PARG: variants seen among roughly 807,000 people sequenced by gnomAD.
PARG encodes the protein poly(ADP-ribose) glycohydrolase.
A neutral mutation model predicts 113.0 loss-of-function variants in PARG; 35 were observed. That is an observed-to-expected ratio of 0.31 (90% confidence interval 0.24 to 0.41). The LOEUF is 0.41. PARG is among the 10% of genes least tolerant of loss of function. The probability of loss-of-function intolerance (pLI) is 1.00; values close to 1 mark genes in which losing one functional copy is unlikely to be tolerated. For synonymous variants in PARG, 330 were observed against 409.9 expected (o/e 0.81, Z 2.36); for missense variants, 797 against 1,169.4 (o/e 0.68, Z 4.64).
intron 7 of PARG, among the ~76,000 whole-genome samples, chr10:49,887,227 G>C (rs1847539002): frequency 6.6e-6 from 1 of 151,914 alleles, no homozygotes; most frequent in Non-Finnish European, 1.5e-5. Flanking sequence ...TATGTATTCT[G>C]AAATAATTAT....
chr10:49,819,161 AGG>A lies in PARG; in HGVS notation c.*177_*178del. On this transcript the variant is annotated 3_prime_UTR_variant, in exon 18 of 18. Transcript: ENST00000616448. The stretch of plus-strand genomic sequence containing the variant: ...TCTAAGTCCACGTGAGTCAGGATGG[AGG>A]GAGTTTAGATGTACCAACTGACAAC... The A allele has an allele frequency of 2.0e-6, 1 of 507,498 alleles. No homozygotes were observed. The highest frequency in any genetic ancestry group is 3.5e-6 in the Non-Finnish European group (1 of 283,564). 31.4% of individuals were successfully genotyped at this position (507,498 alleles called of 1,614,324 possible).
chr10:49,880,643 G>A (rs1351596362), intron 8 of PARG, among the ~76,000 whole-genome samples: 71 of 151,900 alleles, frequency 4.7e-4, no homozygotes, highest in African/African-American at 1.5e-3. Context: ...CCCTCCTCTC[G>A]ACCAAGGGGA....
chr10:49,932,003 G>T, intron 4 of PARG, 97 bp downstream of exon 4: 2 of 722,706 alleles, frequency 2.8e-6, no homozygotes, highest in Admixed American at 2.5e-5. Context: ...GAAAACAGAA[G>T]AACTTTCTAA....
intron 7 of PARG, among the ~76,000 whole-genome samples, chr10:49,887,106 G>A (rs1847532983): frequency 1.3e-5 from 2 of 149,556 alleles, no homozygotes; most frequent in Admixed American, 1.3e-4. Flanking sequence ...CTGGAGTGCT[G>A]TGGCATGACC....
At chr10:49,920,462 AAATATAT>A (rs1370095554) in intron 6 of PARG, among the ~76,000 whole-genome samples, 26 of 52,026 alleles carry the variant, frequency 5.0e-4, no homozygotes, top group South Asian at 1.8e-3. Context: ...AAAAAAAAAA[AAATATAT>A]ATATATATAT....
intron 8 of PARG, among the ~76,000 whole-genome samples, chr10:49,883,263 T>C (rs1847300860): frequency 6.6e-6 from 1 of 152,116 alleles, no homozygotes; most frequent in Admixed American, 6.5e-5. Flanking sequence ...CATACTGCAA[T>C]GCATGGGACC....
At chr10:49,894,699 G>C (rs1847988999) in intron 7 of PARG, among the ~76,000 whole-genome samples, 1 of 152,124 alleles carries the variant, frequency 6.6e-6, no homozygotes, top group African/African-American at 2.4e-5. Context: ...ACATGGGTCT[G>C]TTTCTGGGTT....
At chr10:49,823,593 T>A (rs980639033) in intron 16 of PARG, among the ~76,000 whole-genome samples, 2 of 152,170 alleles carry the variant, frequency 1.3e-5, no homozygotes, top group Admixed American at 1.3e-4. Context: ...AAAGTTTCAA[T>A]ACACCCTATT....
rs560817963 is a variant in PARG, at chr10:49,869,564, T to A, written c.1989-9A>T. The A allele has an allele frequency of 7.5e-7, 1 of 1,339,596 alleles. No individual in the cohort carries two copies. Among genetic ancestry groups the A allele is most frequent in the African/African-American group, 1.4e-5 (1 of 69,474 alleles). 83.0% of individuals were successfully genotyped at this position (1,339,596 alleles called of 1,614,324 possible). A position where few individuals can be genotyped will look rare whatever the true frequency, so the allele number is the denominator to read the frequency against. ...AACGTCCCTCAAACAATCTAAGAGA[T>A]AAAAAATAAAAGAGAATGGAAGATA... On this transcript the variant is annotated splice_polypyrimidine_tract_variant and intron_variant, in intron 9 of 17. Transcript: ENST00000616448.
At chr10:49,910,415 T>C (rs1436055875) in intron 7 of PARG, among the ~76,000 whole-genome samples, 1 of 152,224 alleles carries the variant, frequency 6.6e-6, no homozygotes, top group African/African-American at 2.4e-5. Flanking sequence ...AACAAAATCA[T>C]TCTAAAGTCT....
intron 7 of PARG, among the ~76,000 whole-genome samples, chr10:49,885,609 T>G (rs1485816092): frequency 1.3e-5 from 2 of 152,150 alleles, no homozygotes; most frequent in African/African-American, 2.4e-5. Context: ...CACTTGCAAA[T>G]GGAAAACAGT....
intron 8 of PARG, among the ~76,000 whole-genome samples, chr10:49,882,908 G>A (rs1348355464): frequency 7.1e-6 from 1 of 141,480 alleles, no homozygotes; most frequent in Non-Finnish European, 1.5e-5. Flanking sequence ...GCTTCACAGG[G>A]GAAGTAACAG....
chr10:49,861,187 T>A (rs1170650580), intron 12 of PARG, among the ~76,000 whole-genome samples: 7 of 152,044 alleles, frequency 4.6e-5, no homozygotes, highest in Non-Finnish European at 7.4e-5. Context: ...AACATCTCCA[T>A]CTGGTCATCA....
intron 10 of PARG, among the ~76,000 whole-genome samples, chr10:49,867,862 A>T (rs1284375567): frequency 2.0e-5 from 3 of 152,152 alleles, no homozygotes; most frequent in Non-Finnish European, 4.4e-5. Context: ...AGGACAAAAA[A>T]GTAAACTCTG....
intron 1 of PARG, among the ~76,000 whole-genome samples, chr10:49,935,776 A>G (rs1220626904): frequency 1.3e-5 from 2 of 152,214 alleles, no homozygotes; most frequent in African/African-American, 4.8e-5. Context: ...AAAGGCACCA[A>G]TATCAGGGAA....
intron 15 of PARG, among the ~76,000 whole-genome samples, chr10:49,839,241 G>A (rs1554831761): frequency 1.3e-5 from 2 of 152,040 alleles, no homozygotes; most frequent in East Asian, 3.9e-4. Flanking sequence ...GGAGGCTGAA[G>A]CAGGAGAATC....
At chr10:49,857,009 C>CAAAAAAAAAAAAAAAAAAAAAAAAAA (rs71270682) in intron 13 of PARG, among the ~76,000 whole-genome samples, 1 of 74,630 alleles carries the variant, frequency 1.3e-5, no homozygotes. Context: ...ACCTCTGTCT[C>CAAAAAAAAAAAAAAAAAAAAAAAAAA]AAAAAAAAAA....
In PARG at chr10:49,865,357, G is replaced by A; in HGVS notation, c.2093C>T (p.Thr698Ile). Residue 698 changes from threonine (T) to isoleucine (I), a missense_variant, in exon 11 of 18, where the codon ACA becomes ATA. By Grantham distance (89) the Thr-to-Ile change is moderately conservative. This residue lies in a region of PARG where 40 missense variants were observed against 124.5 expected (regional missense o/e 0.32). Coordinates refer to ENST00000616448, the MANE Select transcript of PARG (RefSeq NM_003631.5). ...TGGAAAATCTTCAAGACTCTGTCTT[G>A]TAAATGTCACCAACCCAGTAGGTTC... The part of the protein sequence containing the change: ...EKKPTGLVTF[T>I]RQSLEDFPEW... The A allele has an allele frequency of 1.5e-6, 1 of 683,644 alleles. No individual in the cohort carries two copies. Among genetic ancestry groups the A allele is most frequent in the South Asian group, 1.5e-5 (1 of 65,384 alleles). 42.3% of individuals were successfully genotyped at this position (683,644 alleles called of 1,614,324 possible).
chr10:49,889,318 C>T (rs1478861927), intron 7 of PARG, among the ~76,000 whole-genome samples: 2 of 152,116 alleles, frequency 1.3e-5, no homozygotes, highest in African/African-American at 4.8e-5. Context: ...AAATCTTCAG[C>T]CAGAGCAGGC....
Sources: allele counts gnomAD v4.1 joint callset (sites outside exome capture counted in the v4.1 genomes callset), GRCh38; gene constraint gnomAD v4.1.1; regional missense constraint gnomAD v4.1.1; transcripts MANE v1.5; gene names NCBI Gene and HGNC (gene_info 2026-07-23, HGNC 2026-07-21).